Variants in SMAD3 observed in about 807,000 individuals in gnomAD.
SMAD3 encodes the protein SMAD family member 3, also known as MAD homolog 3.
In SMAD3, 12 loss-of-function variants were observed where a neutral mutation model predicts 51.8. The observed-to-expected ratio is 0.23, with a 90% confidence interval of 0.15 to 0.38. The LOEUF (loss-of-function observed/expected upper bound fraction) is 0.38. Among genes scored for constraint, SMAD3 ranks in the 10% least tolerant of loss-of-function variants. SMAD3 has a pLI of 1.00. For missense variants in SMAD3, 294 were observed against 565.6 expected (o/e 0.52, Z 4.87); for synonymous variants, 238 against 227.7 (o/e 1.05, Z -0.41).
rs375837113 is a variant in SMAD3 at position 67,104,440 on chromosome 15, C to T, written c.206+38080C>T. Among the ~76,000 whole-genome samples, 13 of 152,242 alleles carry T rather than the reference C, an allele frequency of 8.5e-5. 1 individual carries two copies. The highest frequency in any genetic ancestry group is 5.8e-4 in the East Asian group (3 of 5,200). On this transcript the variant is annotated intron_variant, in intron 1 of 8. Coordinates refer to ENST00000327367, the MANE Select transcript of SMAD3 (RefSeq NM_005902.4). ...CCCTCAGGCTGTCCTCTGTGTTCCC[C>T]GGCATTCTGCATTTTGCAGTCACCC...
At chr15:67,151,657 A>G (rs1962148576) in intron 1 of SMAD3, among the ~76,000 whole-genome samples, 1 of 152,080 alleles carries the variant, frequency 6.6e-6, no homozygotes, top group South Asian at 2.1e-4. Flanking sequence ...TTTCCCTCTA[A>G]AGTTAGAGTT....
chr15:67,181,931 A>C (rs763047780), intron 6 of SMAD3, among the ~76,000 whole-genome samples: 5 of 151,838 alleles, frequency 3.3e-5, no homozygotes, highest in Non-Finnish European at 7.4e-5. Flanking sequence ...GATTACAGGC[A>C]CCCAACCACC....
At chr15:67,176,201 A>G (rs1962889616) in intron 5 of SMAD3, among the ~76,000 whole-genome samples, 1 of 152,130 alleles carries the variant, frequency 6.6e-6, no homozygotes, top group African/African-American at 2.4e-5. Flanking sequence ...TCAGGTACAC[A>G]GTTTCTGGGA....
At chr15:67,150,847 C>CTTTTTTTTTTTTTTTTTTTTTTT in intron 1 of SMAD3, among the ~76,000 whole-genome samples, 1 of 14,668 alleles carries the variant, frequency 6.8e-5, no homozygotes, top group Non-Finnish European at 1.1e-4. Flanking sequence ...ATTTCTCAGT[C>CTTTTTTTTTTTTTTTTTTTTTTT]TTTTTTTTTT....
chr15:67,184,271 A>T (rs1380404042), intron 6 of SMAD3, among the ~76,000 whole-genome samples: 3 of 147,772 alleles, frequency 2.0e-5, no homozygotes, highest in South Asian at 2.2e-4. Flanking sequence ...CCAGTTAATT[A>T]AAAAAAAAAT....
intron 1 of SMAD3, among the ~76,000 whole-genome samples, chr15:67,123,919 A>C (rs1368523436): frequency 6.6e-6 from 1 of 152,200 alleles, no homozygotes; most frequent in Non-Finnish European, 1.5e-5. Flanking sequence ...TATGCTGTAG[A>C]ATAGACTGAA....
At chr15:67,179,462 C>T (rs780767434) in intron 5 of SMAD3, among the ~76,000 whole-genome samples, 1 of 151,868 alleles carries the variant, frequency 6.6e-6, no homozygotes, top group East Asian at 1.9e-4. Flanking sequence ...CCCCAGATGT[C>T]AGTAGTGCTG....
intron 1 of SMAD3, among the ~76,000 whole-genome samples, chr15:67,082,435 C>T (rs563503629): frequency 7.9e-5 from 12 of 152,310 alleles, no homozygotes; most frequent in African/African-American, 2.4e-4. Flanking sequence ...CAGGGCACAG[C>T]GCTGAGAGCC....
chr15:67,151,364 T>G (rs1962139016), intron 1 of SMAD3, among the ~76,000 whole-genome samples: 1 of 151,686 alleles, frequency 6.6e-6, no homozygotes, highest in South Asian at 2.1e-4. Flanking sequence ...ACGGAGTCTC[T>G]CTCTGTTGCC....
At chr15:67,164,190 C>T (rs1040204127) in intron 1 of SMAD3, among the ~76,000 whole-genome samples, 1 of 150,682 alleles carries the variant, frequency 6.6e-6, no homozygotes, top group African/African-American at 2.4e-5. Context: ...TGGCGGGTGC[C>T]TGTGGTCCCA....
chr15:67,167,671 G>A (rs11638064), intron 4 of SMAD3, among the ~76,000 whole-genome samples: 39,084 of 152,098 alleles, frequency 0.26, 5,223 homozygotes, highest in East Asian at 0.4. Flanking sequence ...TGCTCCTGCC[G>A]TGAGGGGCAG....
At chr15:67,113,702 C>T (rs934457910) in intron 1 of SMAD3, among the ~76,000 whole-genome samples, 3 of 152,044 alleles carry the variant, frequency 2.0e-5, no homozygotes, top group Admixed American at 6.5e-5. Flanking sequence ...AAAAAATGTC[C>T]CCACCTCCAA....
In SMAD3 at chr15:67,191,781, G is replaced by A. The variant is rs8031627; in HGVS notation, c.*1245G>A. ...ATTTTTACACCTTTGAAAATTGCAGGCTTGGTACAAAGAGGTCTGTCATCT... is the reference window on the plus strand; with the variant it reads ...ATTTTTACACCTTTGAAAATTGCAGACTTGGTACAAAGAGGTCTGTCATCT... On this transcript the variant is annotated 3_prime_UTR_variant, in exon 9 of 9. Transcript: ENST00000327367. 51,252 of 230,062 alleles carry A rather than the reference G, an allele frequency of 0.22. 7,013 individuals carry two copies. Among genetic ancestry groups the A allele is most frequent in the East Asian group, 0.47 (7,624 of 16,212 alleles). The allele number at this position is 230,062 out of a possible 1,614,324, so 14.3% of individuals were successfully genotyped here. A position where few individuals can be genotyped will look rare whatever the true frequency, so the allele number is the denominator to read the frequency against.
At chr15:67,139,495 T>C (rs900506062) in intron 1 of SMAD3, among the ~76,000 whole-genome samples, 34 of 152,134 alleles carry the variant, frequency 2.2e-4, no homozygotes, top group African/African-American at 8.2e-4. Flanking sequence ...TAGGGTTAAA[T>C]AGAAAACTTC....
At chr15:67,099,701 C>T (rs1253496357) in intron 1 of SMAD3, among the ~76,000 whole-genome samples, 1 of 152,172 alleles carries the variant, frequency 6.6e-6, no homozygotes, top group East Asian at 1.9e-4. Context: ...GCGAGGTGTG[C>T]TATGAGGAAT....
intron 1 of SMAD3, among the ~76,000 whole-genome samples, chr15:67,072,948 G>A (rs984230494): frequency 2.0e-5 from 3 of 152,090 alleles, no homozygotes; most frequent in East Asian, 1.9e-4. Context: ...CTTTAATGCC[G>A]TACCAGGTGC....
intron 1 of SMAD3, among the ~76,000 whole-genome samples, chr15:67,089,712 C>T (rs897278658): frequency 2.6e-5 from 4 of 152,254 alleles, no homozygotes; most frequent in Admixed American, 2.0e-4. Context: ...TACTTTCCTG[C>T]GTACTGCACT....
intron 1 of SMAD3, among the ~76,000 whole-genome samples, chr15:67,133,896 A>G (rs967092066): frequency 1.3e-5 from 2 of 152,074 alleles, no homozygotes; most frequent in Non-Finnish European, 2.9e-5. Context: ...GAAGGTCAGA[A>G]CCAGGACCAG....
At position 67,194,270 on chromosome 15, in the gene SMAD3, T is replaced by C. The variant is rs1798933782; in HGVS notation, c.*3734T>C. 4.3e-6 allele frequency: 1 copy of C among 233,304 alleles called. No homozygotes were observed. Among genetic ancestry groups the C allele is most frequent in the South Asian group, 1.8e-4 (1 of 5,534 alleles). The allele number at this position is 233,304 out of a possible 1,614,324, so 14.5% of individuals were successfully genotyped here. On this transcript the variant is annotated 3_prime_UTR_variant, in exon 9 of 9. Transcript: ENST00000327367. ...AGGTAACCGTCTTCACAATGTATTT[T>C]CATCACAGTTTAAGGAGCATCAGCC...
Sources: allele counts gnomAD v4.1 joint callset (sites outside exome capture counted in the v4.1 genomes callset), GRCh38; gene constraint gnomAD v4.1.1; transcripts MANE v1.5; gene names NCBI Gene and HGNC (gene_info 2026-07-23, HGNC 2026-07-21).